Variants in SPATA17 observed in about 807,000 individuals in gnomAD.
SPATA17 encodes the protein spermatogenesis associated 17, also known as spermatogenesis-associated protein 17.
Under a neutral mutation model 62.2 loss-of-function variants are expected in SPATA17, and 53 were observed. That is an observed-to-expected ratio of 0.85 (90% CI 0.68 to 1.07). SPATA17 has a LOEUF of 1.07. SPATA17 is among the 50% of genes least tolerant of loss of function. SPATA17 has a pLI of 0.00. For synonymous variants in SPATA17, 146 were observed against 146.8 expected (o/e 0.99, Z 0.04); for missense variants, 466 against 425.5 (o/e 1.10, Z -0.84).
intron 9 of SPATA17, among the ~76,000 whole-genome samples, chr1:217,846,361 ATAAAGTAGAGTTTCAATG>A (rs535381000): frequency 2.3e-4 from 35 of 152,240 alleles, no homozygotes; most frequent in Admixed American, 9.8e-4. Context: ...TATGTTCATG[ATAAAGTAGAGTTTCAATG>A]TGATTTCAAT....
intron 7 of SPATA17, among the ~76,000 whole-genome samples, chr1:217,780,326 G>T (rs561417952): frequency 1.4e-4 from 16 of 115,192 alleles, no homozygotes; most frequent in African/African-American, 3.9e-4. Flanking sequence ...GATGCTAATT[G>T]TCTGAGGTAT....
intron 9 of SPATA17, among the ~76,000 whole-genome samples, chr1:217,856,921 G>A (rs1675799206): frequency 6.6e-6 from 1 of 152,158 alleles, no homozygotes; most frequent in African/African-American, 2.4e-5. Flanking sequence ...AGTCTCCAGT[G>A]CTAACCAGAC....
intron 1 of SPATA17, among the ~76,000 whole-genome samples, chr1:217,636,069 G>A (rs987958462): frequency 7.1e-5 from 10 of 140,930 alleles, no homozygotes; most frequent in African/African-American, 2.7e-4. Flanking sequence ...AGAGGTGGAG[G>A]TTGCAGTGAG....
chr1:217,827,773 A>C (rs906892450), intron 9 of SPATA17, among the ~76,000 whole-genome samples: 1 of 152,164 alleles, frequency 6.6e-6, no homozygotes, highest in African/African-American at 2.4e-5. Flanking sequence ...TCAGCAAACT[A>C]ATGCAGGAAC....
At chr1:217,657,633 T>C (rs1294058623) in intron 3 of SPATA17, among the ~76,000 whole-genome samples, 2 of 152,178 alleles carry the variant, frequency 1.3e-5, no homozygotes, top group Admixed American at 1.3e-4. Context: ...TTATATACAA[T>C]AATAACAATG....
chr1:217,683,538 A>G (rs1399747891), intron 5 of SPATA17, among the ~76,000 whole-genome samples, 177 bp downstream of exon 5: 1 of 152,134 alleles, frequency 6.6e-6, no homozygotes, highest in Non-Finnish European at 1.5e-5. Context: ...TCTTGGGTTC[A>G]AGCAATTCTC....
At chr1:217,696,266 C>T (rs909550662) in intron 5 of SPATA17, among the ~76,000 whole-genome samples, 5 of 152,190 alleles carry the variant, frequency 3.3e-5, no homozygotes, top group Non-Finnish European at 4.4e-5. Flanking sequence ...CCAGGTGCGT[C>T]CGTCACCCCT....
intron 9 of SPATA17, among the ~76,000 whole-genome samples, chr1:217,851,690 C>T (rs990489871): frequency 6.6e-6 from 1 of 152,250 alleles, no homozygotes; most frequent in East Asian, 1.9e-4. Context: ...TTATACCACA[C>T]AGTATCAAAC....
intron 5 of SPATA17, among the ~76,000 whole-genome samples, chr1:217,703,017 C>T (rs1671637754): frequency 6.6e-6 from 1 of 151,704 alleles, no homozygotes; most frequent in African/African-American, 2.4e-5. Flanking sequence ...GCTAGTATTA[C>T]AAGCGCCCAC....
At chr1:217,713,687 G>C (rs1437445484) in intron 5 of SPATA17, among the ~76,000 whole-genome samples, 1 of 152,102 alleles carries the variant, frequency 6.6e-6, no homozygotes, top group Non-Finnish European at 1.5e-5. Context: ...TCGATGCTTG[G>C]ATGCTGGCAT....
Position 217,827,941 on chromosome 1 carries a change from T to C in SPATA17, c.1005+26091T>C, listed in dbSNP as rs532519780. On this transcript the variant is annotated intron_variant, in intron 9 of 10. Transcript: ENST00000366933. ...AAAAGCTAATGCATGCTGGGCTTAA[T>C]ACCTAGTTGATGGATTGATAGGTGC... Among the ~76,000 whole-genome samples the C allele has an allele frequency of 1.2e-4, 18 of 152,242 alleles. No homozygotes were observed. The South Asian group carries it at 1.2e-3, about 11-fold the overall frequency.
At position 217,866,807 on chromosome 1, in the gene SPATA17, T is replaced by C. The variant is rs1164271658; in HGVS notation, c.*3-215T>C. The C allele has an allele frequency of 4.0e-5, 6 of 150,878 alleles. No homozygotes were observed. In the East Asian group the frequency reaches 5.8e-4, roughly 15 times the overall value. The allele number at this position is 150,878 out of a possible 1,614,324, so 9.3% of individuals were successfully genotyped here. ...TGAAGCTAAGAGAGGAAGACTTAAA[T>C]AGAGAATTTAAGAACTCATGTTTCT... On this transcript the variant is annotated intron_variant, in intron 10 of 10. Coordinates refer to ENST00000366933, the MANE Select transcript of SPATA17 (RefSeq NM_138796.4).
intron 6 of SPATA17, among the ~76,000 whole-genome samples, chr1:217,763,378 C>T (rs1364102284): frequency 6.7e-6 from 1 of 149,622 alleles, no homozygotes; most frequent in African/African-American, 2.5e-5. Context: ...TGTGATTTGG[C>T]CAGGCAAATA....
In SPATA17 at chr1:217,683,353, T is replaced by G; in HGVS notation, c.387T>G (p.Asp129Glu). Residue 129 changes from aspartate to glutamate, a missense_variant, in exon 5 of 11, where the codon GAT becomes GAG. Physicochemically the swap from Asp to Glu is conservative, Grantham distance 45 (BLOSUM62 2). Coordinates refer to ENST00000366933, the MANE Select transcript of SPATA17 (RefSeq NM_138796.4). Reference sequence around the variant, plus strand: ...TGAAAGTCGTTTCAGAGACCAATGATGCAATTAGGTAAGTAGTGCAATCAT... The same window carrying G: ...TGAAAGTCGTTTCAGAGACCAATGAGGCAATTAGGTAAGTAGTGCAATCAT... ...EYLKVVSETN[D>E]AIRKALEEFA... 6.3e-7 allele frequency: 1 copy of G among 1,597,074 alleles called. No homozygotes were observed. Among genetic ancestry groups the G allele is most frequent in the Non-Finnish European group, 8.6e-7 (1 of 1,166,334 alleles).
intron 5 of SPATA17, among the ~76,000 whole-genome samples, chr1:217,718,467 C>A (rs1672056035): frequency 6.6e-6 from 1 of 152,144 alleles, no homozygotes; most frequent in South Asian, 2.1e-4. Flanking sequence ...TGCTAGTTAT[C>A]CAGGTGGTTT....
At chr1:217,805,440 A>T (rs1674410437) in intron 9 of SPATA17, among the ~76,000 whole-genome samples, 1 of 152,212 alleles carries the variant, frequency 6.6e-6, no homozygotes, top group South Asian at 2.1e-4. Context: ...TTCAGTTAGG[A>T]TGAATAGTTC....
chr1:217,721,383 C>T (rs1451656594), intron 5 of SPATA17, among the ~76,000 whole-genome samples: 4 of 152,046 alleles, frequency 2.6e-5, no homozygotes, highest in African/African-American at 7.2e-5. Context: ...GTGTCTGCTG[C>T]GATGTCATTG....
At chr1:217,654,429 T>C (rs558238608) in intron 3 of SPATA17, among the ~76,000 whole-genome samples, 108 of 152,252 alleles carry the variant, frequency 7.1e-4, no homozygotes, top group Admixed American at 2.4e-3. Flanking sequence ...CCAGGTGGCA[T>C]AAGATTTTTA....
At chr1:217,825,127 T>C (rs1192463275) in intron 9 of SPATA17, among the ~76,000 whole-genome samples, 1 of 151,166 alleles carries the variant, frequency 6.6e-6, no homozygotes, top group Non-Finnish European at 1.5e-5. Context: ...AAACAAACTA[T>C]TATTTAGGAA....
Sources: gnomAD v4.1 joint callset for allele counts (sites outside exome capture counted in the v4.1 genomes callset) on GRCh38, gnomAD v4.1.1 for gene constraint, MANE v1.5 for transcripts, NCBI Gene and HGNC (gene_info 2026-07-23, HGNC 2026-07-21) for gene names.